The following ATXN1 variants were observed in gnomAD, a reference collection of about 807,000 sequenced individuals.
ATXN1 encodes ataxin-1.
In ATXN1, 8 loss-of-function variants were observed where a neutral mutation model predicts 56.4. The ratio of observed to expected loss-of-function variants is 0.14; its 90% CI spans 0.08 to 0.26. The LOEUF is 0.26. ATXN1 is among the 10% of genes least tolerant of loss of function. The pLI, the probability that ATXN1 is intolerant of heterozygous loss-of-function variation, is 1.00. For missense variants in ATXN1, 987 were observed against 1,106.5 expected (o/e 0.89, Z 1.53); for synonymous variants, 514 against 494.6 (o/e 1.04, Z -0.52).
chr6:16,569,505 C>T (rs112488299), intron 4 of ATXN1, among the ~76,000 whole-genome samples: 10,203 of 136,480 alleles, frequency 0.075, 1,110 homozygotes, highest in African/African-American at 0.25. Flanking sequence ...CCAGCCTGGG[C>T]GACAGAGTGA....
intron 2 of ATXN1, among the ~76,000 whole-genome samples, chr6:16,732,761 T>C (rs1031349192): frequency 2.6e-5 from 4 of 152,272 alleles, no homozygotes; most frequent in Non-Finnish European, 5.9e-5. Context: ...AATATACTTC[T>C]ACATGTATGC....
intron 4 of ATXN1, among the ~76,000 whole-genome samples, chr6:16,563,254 C>A (rs1320122882): frequency 6.6e-6 from 1 of 152,128 alleles, no homozygotes; most frequent in Admixed American, 6.5e-5. Flanking sequence ...AGAAATGTGA[C>A]TATGAGCCCA....
intron 2 of ATXN1, among the ~76,000 whole-genome samples, chr6:16,662,656 C>T (rs1008599474): frequency 2.6e-5 from 4 of 152,144 alleles, no homozygotes; most frequent in Non-Finnish European, 5.9e-5. Flanking sequence ...TCTTAACCTG[C>T]CACATAGCTC....
At chr6:16,333,826 C>G (rs183430353) in intron 6 of ATXN1, among the ~76,000 whole-genome samples, 1 of 152,304 alleles carries the variant, frequency 6.6e-6, no homozygotes, top group East Asian at 1.9e-4. Context: ...CATCACTAAA[C>G]TGGAAGGCCT....
intron 4 of ATXN1, among the ~76,000 whole-genome samples, chr6:16,546,819 A>G (rs1761823416): frequency 6.6e-6 from 1 of 152,244 alleles, no homozygotes; most frequent in African/African-American, 2.4e-5. Flanking sequence ...GGAGGCATAC[A>G]TAGTTATTAT....
At chr6:16,356,645 G>A (rs1761693008) in intron 6 of ATXN1, among the ~76,000 whole-genome samples, 2 of 152,094 alleles carry the variant, frequency 1.3e-5, no homozygotes, top group South Asian at 4.1e-4. Context: ...GAAACATAAG[G>A]ACAAATGATA....
intron 3 of ATXN1, among the ~76,000 whole-genome samples, chr6:16,621,038 G>A (rs1290743771): frequency 6.6e-6 from 1 of 152,166 alleles, no homozygotes; most frequent in East Asian, 1.9e-4. Context: ...AAGCATTCCT[G>A]GCATCCATGA....
chr6:16,464,765 CAG>C (rs1203047038), intron 6 of ATXN1, among the ~76,000 whole-genome samples: 2 of 144,488 alleles, frequency 1.4e-5, no homozygotes, highest in African/African-American at 5.1e-5. Context: ...AAAAAAAAAT[CAG>C]GGGTTTTGGG....
At chr6:16,520,560 A>C (rs1402586194) in intron 5 of ATXN1, among the ~76,000 whole-genome samples, 2 of 152,176 alleles carry the variant, frequency 1.3e-5, no homozygotes, top group African/African-American at 4.8e-5. Flanking sequence ...TGATGTAAGC[A>C]TGGAAATGGA....
chr6:16,377,800 C>T (rs111875611), intron 6 of ATXN1, among the ~76,000 whole-genome samples: 3,799 of 152,236 alleles, frequency 0.025, 155 homozygotes, highest in African/African-American at 0.086. Context: ...TTTGCATAAA[C>T]GCTGAAAAAT....
At chr6:16,637,194 T>C (rs1763613847) in intron 3 of ATXN1, among the ~76,000 whole-genome samples, 2 of 152,100 alleles carry the variant, frequency 1.3e-5, no homozygotes, top group Non-Finnish European at 2.9e-5. Flanking sequence ...ATGTCCTTTG[T>C]TGGGACATGG....
Position 16,306,004 on chromosome 6 carries a change from C to T in ATXN1, c.*325G>A, listed in dbSNP as rs1410393862. The T allele has an allele frequency of 8.3e-6, 2 of 240,948 alleles. No homozygotes were observed. Among genetic ancestry groups the T allele is most frequent in the African/African-American group, 2.3e-5 (1 of 43,328 alleles). The allele number at this position is 240,948 out of a possible 1,614,324, so 14.9% of individuals were successfully genotyped here. A position where few individuals can be genotyped will look rare whatever the true frequency, so the allele number is the denominator to read the frequency against. ...CACGGGACTTTTCTCCTGACACTAGCGGGAGTCAGCGCCCCCGGCTGCTTC... is the reference window on the plus strand; with the variant it reads ...CACGGGACTTTTCTCCTGACACTAGTGGGAGTCAGCGCCCCCGGCTGCTTC... On this transcript the variant is annotated 3_prime_UTR_variant, in exon 8 of 8. Transcript: ENST00000436367. This position sits in a 1 kb window ranked among gnomAD's most constrained non-coding sequence, Gnocchi z 5.2.
chr6:16,445,707 T>C (rs1759620388), intron 6 of ATXN1, among the ~76,000 whole-genome samples: 1 of 118,460 alleles, frequency 8.4e-6, no homozygotes, highest in African/African-American at 3.3e-5. Flanking sequence ...CAGAGTGTGA[T>C]GTTCCCCTTC....
chr6:16,658,317 C>CA (rs1319416798), intron 2 of ATXN1, among the ~76,000 whole-genome samples: 1 of 152,162 alleles, frequency 6.6e-6, no homozygotes, highest in Non-Finnish European at 1.5e-5. Flanking sequence ...ATGAAAGACT[C>CA]AGACTAATCA....
intron 2 of ATXN1, among the ~76,000 whole-genome samples, chr6:16,697,672 C>A (rs1017538480): frequency 7.1e-6 from 1 of 140,736 alleles, no homozygotes; most frequent in Non-Finnish European, 1.5e-5. Flanking sequence ...TTTTAATTGA[C>A]TCATTTGGTG....
chr6:16,455,517 C>A (rs939359712), intron 6 of ATXN1, among the ~76,000 whole-genome samples: 8 of 152,168 alleles, frequency 5.3e-5, no homozygotes, highest in Admixed American at 6.5e-5. Flanking sequence ...CAGTTTCCTA[C>A]AAAGCTAAAC....
intron 3 of ATXN1, among the ~76,000 whole-genome samples, chr6:16,628,729 T>C (rs896052487): frequency 6.6e-6 from 1 of 152,250 alleles, no homozygotes; most frequent in African/African-American, 2.4e-5. Flanking sequence ...TAGTTTTTTG[T>C]TCCTGTGATA....
intron 4 of ATXN1, among the ~76,000 whole-genome samples, chr6:16,583,293 C>G (rs1412680173): frequency 6.6e-6 from 1 of 152,214 alleles, no homozygotes; most frequent in African/African-American, 2.4e-5. Context: ...AAGGCAGAGG[C>G]TGAAGCCGTA....
intron 2 of ATXN1, among the ~76,000 whole-genome samples, chr6:16,709,017 C>A (rs1581383915): frequency 1.5e-5 from 2 of 129,298 alleles, no homozygotes; most frequent in African/African-American, 2.9e-5. Flanking sequence ...AAGAGCGAAA[C>A]TCTGTCTCAA....
Sources: gnomAD v4.1 joint callset for allele counts (sites outside exome capture counted in the v4.1 genomes callset) on GRCh38, gnomAD v4.1.1 for gene constraint, Gnocchi (gnomAD v3.1) non-coding constraint, MANE v1.5 for transcripts, NCBI Gene and HGNC (gene_info 2026-07-23, HGNC 2026-07-21) for gene names.